Variants in CDH7 observed in about 807,000 individuals in gnomAD.
CDH7 encodes the protein cadherin 7.
A neutral mutation model predicts 71.8 loss-of-function variants in CDH7; 25 were observed. The observed-to-expected ratio is 0.35, with a 90% CI of 0.25 to 0.49. The LOEUF (loss-of-function observed/expected upper bound fraction) is 0.49. Among genes scored for constraint, CDH7 ranks in the 20% least tolerant of loss-of-function variants. The probability of loss-of-function intolerance (pLI) is 0.99; values close to 1 mark genes in which losing one functional copy is unlikely to be tolerated. For missense variants in CDH7, 862 were observed against 974.6 expected (o/e 0.88, Z 1.54); for synonymous variants, 381 against 363.8 (o/e 1.05, Z -0.54).
chr18:65,860,899 G>A (rs577064321), intron 10 of CDH7, among the ~76,000 whole-genome samples: 2 of 152,074 alleles, frequency 1.3e-5, no homozygotes, highest in Non-Finnish European at 2.9e-5. Context: ...GAATACTATT[G>A]TGTCCCTTTA....
intron 2 of CDH7, among the ~76,000 whole-genome samples, chr18:65,768,641 A>G (rs933199246): frequency 6.6e-6 from 1 of 152,206 alleles, no homozygotes. Flanking sequence ...TGCATTGCTC[A>G]TAGATACAGA....
intron 2 of CDH7, among the ~76,000 whole-genome samples, chr18:65,799,334 G>A (rs1416246914): frequency 2.0e-5 from 3 of 152,030 alleles, no homozygotes; most frequent in Non-Finnish European, 2.9e-5. Context: ...CCTGCTGTAG[G>A]AAAGAGAAGC....
At chr18:65,871,549 A>C (rs759329281) in intron 11 of CDH7, among the ~76,000 whole-genome samples, 2 of 152,146 alleles carry the variant, frequency 1.3e-5, no homozygotes, top group Non-Finnish European at 2.9e-5. Context: ...TGAGTGGAGC[A>C]TGCGGTGATG....
chr18:65,873,942 G>C lies in CDH7; in HGVS notation c.1865-6459G>C, dbSNP rs145466854. Among the ~76,000 whole-genome samples the C allele has an allele frequency of 2.8e-4, 43 of 151,810 alleles. 1 individual carries two copies. In the East Asian group the frequency reaches 8.1e-3, roughly 29 times the overall value. On this transcript the variant is annotated intron_variant, in intron 11 of 11. Coordinates refer to ENST00000397968, the MANE Select transcript of CDH7 (RefSeq NM_004361.5). ...CTCTTTATTTTTTATTCAAATTGTT[G>C]GGCTTGTTGATGGCAAGTCCAGCAA...
At chr18:65,869,940 G>A (rs536746755) in intron 11 of CDH7, among the ~76,000 whole-genome samples, 20 of 152,162 alleles carry the variant, frequency 1.3e-4, no homozygotes. Context: ...TATTTCCCAA[G>A]ACGCTATATT....
At chr18:65,868,474 A>G (rs1363856587) in intron 11 of CDH7, among the ~76,000 whole-genome samples, 1 of 152,214 alleles carries the variant, frequency 6.6e-6, no homozygotes, top group African/African-American at 2.4e-5. Context: ...GTATTTTTCC[A>G]TATATGTTTC....
chr18:65,843,561 T>C (rs1291431181), intron 6 of CDH7, among the ~76,000 whole-genome samples: 1 of 152,182 alleles, frequency 6.6e-6, no homozygotes, highest in East Asian at 1.9e-4. Context: ...TTCCAAAGAC[T>C]GGCATCTGTC....
rs1914342122 is a variant in CDH7, at chr18:65,885,372, G to GTGTTTTTTTTTTTTTTTTT, written c.*4479_*4480insGTTTTTTTTTTTTTTTTTT. On this transcript the variant is annotated 3_prime_UTR_variant, in exon 12 of 12. Coordinates refer to ENST00000397968, the MANE Select transcript of CDH7 (RefSeq NM_004361.5). Reference sequence around the variant, plus strand: ...GTAACTGAAAAGGATGTGTGCCTGTGTTTTTTTTTTTTTTTTTTTTTTTGA... The same window carrying GTGTTTTTTTTTTTTTTTTT: ...GTAACTGAAAAGGATGTGTGCCTGTGTGTTTTTTTTTTTTTTTTTTTTTTTTTTTTTTTTTTTTTTTTGA... 2.9e-5 allele frequency: 2 copies of GTGTTTTTTTTTTTTTTTTT among 69,446 alleles called. No homozygotes were observed. The highest frequency in any genetic ancestry group is 5.2e-5 in the African/African-American group (1 of 19,204). The allele number at this position is 69,446 out of a possible 1,614,324, so 4.3% of individuals were successfully genotyped here.
At chr18:65,762,243 T>TTTGCTC (rs1916212251) in intron 1 of CDH7, among the ~76,000 whole-genome samples, 1 of 152,176 alleles carries the variant, frequency 6.6e-6, no homozygotes, top group African/African-American at 2.4e-5. Context: ...TTTGAGTTGC[T>TTTGCTC]TTGCTTTCAC....
At chr18:65,842,842 TCCTGTAAAG>T (rs1288054532) in intron 6 of CDH7, among the ~76,000 whole-genome samples, 8,134 of 82,888 alleles carry the variant, frequency 0.098, 272 homozygotes, top group South Asian at 0.32. Context: ...TTTTCAGTAT[TCCTGTAAAG>T]TTTTTTTTTT....
chr18:65,758,798 A>G (rs572705118), intron 1 of CDH7, among the ~76,000 whole-genome samples: 6 of 152,236 alleles, frequency 3.9e-5, no homozygotes, highest in African/African-American at 1.2e-4. Flanking sequence ...TTAACTTTTC[A>G]TATCAAAAAA....
Position 65,885,863 on chromosome 18 carries a change from A to G in CDH7, c.*4969A>G, listed in dbSNP as rs551678763. 1 of 152,328 alleles carries G rather than the reference A, an allele frequency of 6.6e-6. No individual in the cohort carries two copies. Among genetic ancestry groups the G allele is most frequent in the African/African-American group, 2.4e-5 (1 of 41,576 alleles). 9.4% of individuals were successfully genotyped at this position (152,328 alleles called of 1,614,324 possible). The stretch of plus-strand genomic sequence containing the variant: ...CTTATTTGCTGTAACAATCTAATTT[A>G]TATTAAGGTAAGGATTTTGGTGGCT... On this transcript the variant is annotated 3_prime_UTR_variant, in exon 12 of 12. Transcript: ENST00000397968.
At chr18:65,806,596 C>T (rs1485845470) in intron 2 of CDH7, among the ~76,000 whole-genome samples, 1 of 151,702 alleles carries the variant, frequency 6.6e-6, no homozygotes, top group Non-Finnish European at 1.5e-5. Context: ...CAAAGGTTTT[C>T]ACAGTAGAGA....
chr18:65,818,142 T>A (rs1391729023), intron 4 of CDH7, among the ~76,000 whole-genome samples: 1 of 152,220 alleles, frequency 6.6e-6, no homozygotes, highest in East Asian at 1.9e-4. Flanking sequence ...TATATTTATT[T>A]TCACAATGCA....
At chr18:65,764,824 T>C (rs1010238558) in intron 2 of CDH7, among the ~76,000 whole-genome samples, 2 of 152,070 alleles carry the variant, frequency 1.3e-5, no homozygotes, top group Non-Finnish European at 1.5e-5. Context: ...GTTTTAAAAT[T>C]TAAATGGCCT....
At chr18:65,840,827 C>T (rs1440875633) in intron 6 of CDH7, among the ~76,000 whole-genome samples, 1 of 152,088 alleles carries the variant, frequency 6.6e-6, no homozygotes, top group East Asian at 1.9e-4. Flanking sequence ...TACTTCCAAA[C>T]ATCGAGATAA....
At chr18:65,847,789 G>C (rs1162170155) in intron 7 of CDH7, among the ~76,000 whole-genome samples, 2 of 152,162 alleles carry the variant, frequency 1.3e-5, no homozygotes, top group South Asian at 4.1e-4. Flanking sequence ...TGAATGTTAG[G>C]TCTTTTTTAT....
chr18:65,849,360 TTTTCTTTTCTTTTC>T (rs1913053986), intron 7 of CDH7, among the ~76,000 whole-genome samples: 1 of 26,940 alleles, frequency 3.7e-5, no homozygotes, highest in Non-Finnish European at 6.3e-5. Flanking sequence ...TTTTCTTTTC[TTTTCTTTTCTTTTC>T]TTTTCTTTTC....
rs745442687 is a variant in CDH7 at position 65,782,107 on chromosome 18, C to CTTCTTTCTTTCTTTCT, written c.210+19097_210+19112dup. 7.2e-3 allele frequency among the ~76,000 whole-genome samples: 181 copies of CTTCTTTCTTTCTTTCT among 25,216 alleles called. 8 individuals are homozygous for CTTCTTTCTTTCTTTCT. Among genetic ancestry groups the CTTCTTTCTTTCTTTCT allele is most frequent in the Non-Finnish European group, 8.5e-3 (141 of 16,654 alleles). 16.5% of individuals were successfully genotyped at this position (25,216 alleles called of 152,430 possible). A position where few individuals can be genotyped will look rare whatever the true frequency, so the allele number is the denominator to read the frequency against. ...CCTTCCTTCCTTCCTTCCTTCCTTC[C>CTTCTTTCTTTCTTTCT]TTCTTTCTTTCTTTCTTTCTTTCTT... is the stretch of plus-strand genomic sequence containing the variant. On this transcript the variant is annotated intron_variant, in intron 2 of 11. Coordinates refer to ENST00000397968, the MANE Select transcript of CDH7 (RefSeq NM_004361.5).
Sources: gnomAD v4.1 joint callset for allele counts (sites outside exome capture counted in the v4.1 genomes callset) on GRCh38, gnomAD v4.1.1 for gene constraint, MANE v1.5 for transcripts, NCBI Gene and HGNC (gene_info 2026-07-23, HGNC 2026-07-21) for gene names.